EPC2: variants seen among roughly 807,000 people sequenced by gnomAD.
EPC2 encodes enhancer of polycomb 2.
A neutral mutation model predicts 92.1 loss-of-function variants in EPC2; 14 were observed. The observed-to-expected ratio is 0.15, with a 90% CI of 0.10 to 0.24. The LOEUF (loss-of-function observed/expected upper bound fraction) is 0.24, where lower values mean the gene tolerates loss of function less well. Ranked by LOEUF, EPC2 falls within the 10% of genes least tolerant of loss-of-function variation. The pLI, the probability that EPC2 is intolerant of heterozygous loss-of-function variation, is 1.00. For missense variants in EPC2, 755 were observed against 971.5 expected (o/e 0.78, Z 2.96); for synonymous variants, 340 against 334.7 (o/e 1.02, Z -0.17).
chr2:148,720,964 A>G (rs1164736168), intron 2 of EPC2, among the ~76,000 whole-genome samples: 1 of 152,136 alleles, frequency 6.6e-6, no homozygotes, highest in Non-Finnish European at 1.5e-5. Context: ...CTTCATTAAG[A>G]CTATATCTGT....
chr2:148,645,376 G>A (rs770223552), intron 1 of EPC2: 14 of 517,550 alleles, frequency 2.7e-5, no homozygotes, highest in Non-Finnish European at 4.8e-5. Flanking sequence ...GCGTCCCAGT[G>A]TTGTGATTAG....
chr2:148,687,802 T>C (rs1332802929), intron 1 of EPC2, among the ~76,000 whole-genome samples: 1 of 152,212 alleles, frequency 6.6e-6, no homozygotes, highest in Non-Finnish European at 1.5e-5. Flanking sequence ...CCGTTTGTTT[T>C]TATGTCTCTG....
chr2:148,762,257 GGAAATAA>G (rs1190225832), intron 5 of EPC2: 3 of 185,400 alleles, frequency 1.6e-5, no homozygotes, highest in African/African-American at 7.1e-5. Flanking sequence ...TAAATCTGAG[GGAAATAA>G]GTATTGATTT....
Position 148,769,133 on chromosome 2 carries a change from A to T in EPC2, c.1141-18A>T, listed in dbSNP as rs1292812449. 2 of 1,558,250 alleles carry T rather than the reference A, an allele frequency of 1.3e-6. No homozygotes were observed. Among genetic ancestry groups the T allele is most frequent in the South Asian group, 2.3e-5 (2 of 88,114 alleles). On this transcript the variant is annotated intron_variant, in intron 7 of 13. Coordinates refer to ENST00000258484, the MANE Select transcript of EPC2 (RefSeq NM_015630.4). ...TTGACTTTTGATAACTTCTAAATGG[A>T]ATGCCTCTTTTGTCTAGGTATTGTC...
At chr2:148,774,038 C>A (rs1488648215) in intron 10 of EPC2, among the ~76,000 whole-genome samples, 2 of 152,022 alleles carry the variant, frequency 1.3e-5, no homozygotes, top group Non-Finnish European at 2.9e-5. Flanking sequence ...AATAAAGGAA[C>A]AAGACTAACA....
rs1379228246 is a variant in EPC2, at chr2:148,644,933, G to A, written c.-85G>A. ...CCGGCCGCGCTGCACTGAGGAAGGA[G>A]GTGGAGGAGGCGGCGGGAGTCCTCC... On this transcript the variant is annotated 5_prime_UTR_variant, in exon 1 of 14. Transcript: ENST00000258484. 33 of 1,183,230 alleles carry A rather than the reference G, an allele frequency of 2.8e-5. No individual in the cohort carries two copies. Among genetic ancestry groups the A allele is most frequent in the African/African-American group, 2.0e-4 (13 of 66,034 alleles). The allele number at this position is 1,183,230 out of a possible 1,614,324, so 73.3% of individuals were successfully genotyped here.
chr2:148,738,438 C>T (rs1286425268), intron 2 of EPC2, among the ~76,000 whole-genome samples: 3 of 152,148 alleles, frequency 2.0e-5, no homozygotes, highest in African/African-American at 7.2e-5. Flanking sequence ...TCTAAATTCA[C>T]AGAATTAAGT....
At chr2:148,776,614 G>A (rs1683649381) in intron 10 of EPC2, among the ~76,000 whole-genome samples, 1 of 152,150 alleles carries the variant, frequency 6.6e-6, no homozygotes, top group African/African-American at 2.4e-5. Context: ...CTAACCCAGA[G>A]GATTTGATGT....
chr2:148,662,825 A>AT (rs1559140801), intron 1 of EPC2, among the ~76,000 whole-genome samples: 20 of 151,318 alleles, frequency 1.3e-4, no homozygotes, highest in African/African-American at 2.2e-4. Context: ...AATAATAATA[A>AT]AATTTTTTTA....
chr2:148,678,765 C>T (rs1055262477), intron 1 of EPC2, among the ~76,000 whole-genome samples: 1 of 152,254 alleles, frequency 6.6e-6, no homozygotes, highest in Non-Finnish European at 1.5e-5. Context: ...CCACTTGTGC[C>T]TCTCCCTCCA....
At chr2:148,743,990 A>G (rs560790858) in intron 3 of EPC2, among the ~76,000 whole-genome samples, 1 of 152,242 alleles carries the variant, frequency 6.6e-6, no homozygotes, top group South Asian at 2.1e-4. Context: ...GATAAAAATA[A>G]TACTAGTCAC....
chr2:148,784,313 A>G (rs530921929), intron 12 of EPC2, among the ~76,000 whole-genome samples: 3 of 152,294 alleles, frequency 2.0e-5, no homozygotes, highest in East Asian at 1.9e-4. Flanking sequence ...ATATATACCC[A>G]TGAACCTGAT....
At chr2:148,732,643 A>C (rs1176279729) in intron 2 of EPC2, among the ~76,000 whole-genome samples, 3 of 151,944 alleles carry the variant, frequency 2.0e-5, no homozygotes, top group Admixed American at 6.6e-5. Flanking sequence ...GGCCTTCCAA[A>C]GTGCTGGGAT....
chr2:148,738,048 G>A (rs549298876), intron 2 of EPC2, among the ~76,000 whole-genome samples: 1 of 152,234 alleles, frequency 6.6e-6, no homozygotes, highest in South Asian at 2.1e-4. Flanking sequence ...GCTAATACAT[G>A]CCATTTATAA....
intron 1 of EPC2, among the ~76,000 whole-genome samples, chr2:148,649,210 ATACTT>A (rs1680606543): frequency 6.6e-6 from 1 of 152,228 alleles, no homozygotes; most frequent in African/African-American, 2.4e-5. Flanking sequence ...TTTTTGAAGT[ATACTT>A]TACATACAAA....
At chr2:148,673,417 T>A (rs1681195002) in intron 1 of EPC2, among the ~76,000 whole-genome samples, 1 of 152,226 alleles carries the variant, frequency 6.6e-6, no homozygotes, top group Non-Finnish European at 1.5e-5. Flanking sequence ...TTCAAATGAC[T>A]TGTATTTGAA....
At chr2:148,676,163 T>C (rs1367578603) in intron 1 of EPC2, among the ~76,000 whole-genome samples, 1 of 152,116 alleles carries the variant, frequency 6.6e-6, no homozygotes, top group Non-Finnish European at 1.5e-5. Flanking sequence ...ATTTACCATG[T>C]AATTTCATGT....
chr2:148,712,221 A>G (rs931325770), intron 2 of EPC2, among the ~76,000 whole-genome samples: 2 of 151,978 alleles, frequency 1.3e-5, no homozygotes, highest in Middle Eastern at 3.4e-3. Flanking sequence ...TAGCATATCT[A>G]TCATACTGTT....
At chr2:148,687,298 A>G (rs1681547440) in intron 1 of EPC2, among the ~76,000 whole-genome samples, 4 of 152,220 alleles carry the variant, frequency 2.6e-5, no homozygotes, top group Admixed American at 2.6e-4. Context: ...GCTTACGGGA[A>G]TGTTGTGGCT....
Sources: allele counts gnomAD v4.1 joint callset (sites outside exome capture counted in the v4.1 genomes callset), GRCh38; gene constraint gnomAD v4.1.1; transcripts MANE v1.5; gene names NCBI Gene and HGNC (gene_info 2026-07-23, HGNC 2026-07-21).